SLC24A3: variants seen among roughly 807,000 people sequenced by gnomAD.
SLC24A3 encodes solute carrier family 24 member 3, also known as sodium/potassium/calcium exchanger 3.
SLC24A3 carries 28 observed loss-of-function variants against 75.8 expected under a neutral mutation model. The observed-to-expected ratio is 0.37, with a 90% confidence interval of 0.27 to 0.51. The LOEUF (loss-of-function observed/expected upper bound fraction) is 0.51, where lower values mean the gene tolerates loss of function less well. Ranked by LOEUF, SLC24A3 falls within the 20% of genes least tolerant of loss-of-function variation. The pLI is 0.94. For synonymous variants in SLC24A3, 372 were observed against 334.1 expected, an observed-to-expected ratio of 1.11 and a Z score of -1.24; for missense variants, 663 against 847.8, an observed-to-expected ratio of 0.78 and a Z score of 2.71.
chr20:19,609,486 G>T (rs2031643206), intron 6 of SLC24A3, among the ~76,000 whole-genome samples: 1 of 152,036 alleles, frequency 6.6e-6, no homozygotes, highest in South Asian at 2.1e-4. Flanking sequence ...ATGTACCATG[G>T]TGGTTTGCTG....
At chr20:19,698,458 A>T (rs1156669231) in intron 14 of SLC24A3, 110 bp from the exon 15 acceptor site, 6 of 676,414 alleles carry the variant, frequency 8.9e-6, no homozygotes, top group Non-Finnish European at 1.6e-5. Flanking sequence ...AGAAGCACAT[A>T]TGTGAGCTTG....
chr20:19,479,917 G>T (rs1264987349), intron 2 of SLC24A3, among the ~76,000 whole-genome samples: 1 of 152,166 alleles, frequency 6.6e-6, no homozygotes, highest in Non-Finnish European at 1.5e-5. Flanking sequence ...ATTTTAAAGG[G>T]CCTTGGCCTC....
intron 2 of SLC24A3, among the ~76,000 whole-genome samples, chr20:19,466,415 TG>T (rs1332229827): frequency 6.6e-6 from 1 of 152,224 alleles, no homozygotes; most frequent in East Asian, 1.9e-4. Context: ...CACCTCTTTT[TG>T]CAGCCAGTGT....
intron 15 of SLC24A3, among the ~76,000 whole-genome samples, chr20:19,700,741 A>G (rs1322678479): frequency 6.6e-6 from 1 of 152,202 alleles, no homozygotes; most frequent in Non-Finnish European, 1.5e-5. Context: ...TTTTTCCTCA[A>G]AATCTCATTG....
intron 2 of SLC24A3, among the ~76,000 whole-genome samples, chr20:19,290,818 G>A (rs200149839): frequency 6.6e-6 from 1 of 152,118 alleles, no homozygotes; most frequent in East Asian, 1.9e-4. Flanking sequence ...AAGGGAGACC[G>A]CCAGCCACAT....
chr20:19,324,080 T>C (rs979607412), intron 2 of SLC24A3, among the ~76,000 whole-genome samples: 1 of 152,180 alleles, frequency 6.6e-6, no homozygotes, highest in African/African-American at 2.4e-5. Flanking sequence ...CTGCTGGTGA[T>C]GACTGAACAA....
chr20:19,525,595 C>T (rs1027812245), intron 3 of SLC24A3, among the ~76,000 whole-genome samples: 3 of 152,098 alleles, frequency 2.0e-5, no homozygotes, highest in East Asian at 3.9e-4. Flanking sequence ...TATTGTCTGT[C>T]GAGGGCTGCT....
intron 2 of SLC24A3, among the ~76,000 whole-genome samples, chr20:19,424,052 C>T (rs556535424): frequency 3.9e-5 from 6 of 152,082 alleles, no homozygotes; most frequent in African/African-American, 1.4e-4. Context: ...CATAGCAGAG[C>T]GAAGAGGAAA....
chr20:19,602,416 A>C (rs1254786457), intron 6 of SLC24A3, among the ~76,000 whole-genome samples: 5 of 152,080 alleles, frequency 3.3e-5, no homozygotes, highest in African/African-American at 4.8e-5. Context: ...AAGCCCCCAC[A>C]GTGTCCTTGC....
intron 2 of SLC24A3, among the ~76,000 whole-genome samples, chr20:19,401,685 C>T (rs1986554599): frequency 6.6e-6 from 1 of 152,178 alleles, no homozygotes; most frequent in Admixed American, 6.5e-5. Context: ...ACTTCTTTGT[C>T]CAAGGGCTTT....
intron 2 of SLC24A3, among the ~76,000 whole-genome samples, chr20:19,285,414 G>GT: frequency 6.9e-6 from 1 of 144,064 alleles, no homozygotes; most frequent in Non-Finnish European, 1.5e-5. Flanking sequence ...GGAGATGGAG[G>GT]TTGCAGTGAG....
chr20:19,446,520 G>A (rs1222248126), intron 2 of SLC24A3, among the ~76,000 whole-genome samples: 14 of 152,200 alleles, frequency 9.2e-5, no homozygotes, highest in Admixed American at 9.2e-4. Flanking sequence ...CGGGGAAATT[G>A]TTCTGTAAAG....
intron 2 of SLC24A3, among the ~76,000 whole-genome samples, chr20:19,361,166 A>T (rs1264034050): frequency 6.6e-6 from 1 of 152,208 alleles, no homozygotes. Context: ...TCTTTTGCAG[A>T]TCAGCACTGG....
chr20:19,300,751 C>T (rs918169371), intron 2 of SLC24A3, among the ~76,000 whole-genome samples: 1 of 152,110 alleles, frequency 6.6e-6, no homozygotes, highest in Non-Finnish European at 1.5e-5. Context: ...GGGTGTCTCT[C>T]TCTCATTCCT....
chr20:19,455,612 C>T (rs1345678750), intron 2 of SLC24A3, among the ~76,000 whole-genome samples: 1 of 152,184 alleles, frequency 6.6e-6, no homozygotes, highest in Non-Finnish European at 1.5e-5. Flanking sequence ...AGATAAACCC[C>T]AGCCTCTTCA....
intron 3 of SLC24A3, among the ~76,000 whole-genome samples, chr20:19,540,598 C>T (rs1239308843): frequency 6.6e-6 from 1 of 152,202 alleles, no homozygotes; most frequent in African/African-American, 2.4e-5. Flanking sequence ...GCCAGCGCCA[C>T]GGTGAGGAGT....
chr20:19,631,447 A>AT (rs929176800), intron 6 of SLC24A3, among the ~76,000 whole-genome samples: 118 of 151,800 alleles, frequency 7.8e-4, no homozygotes, highest in African/African-American at 2.4e-3. Flanking sequence ...ATCAACTTTT[A>AT]TTTTTTTTTA....
At chr20:19,657,733 A>G (rs2122713409) in intron 7 of SLC24A3, among the ~76,000 whole-genome samples, 1 of 152,212 alleles carries the variant, frequency 6.6e-6, no homozygotes, top group East Asian at 1.9e-4. Flanking sequence ...ACCTCTCACA[A>G]TGTCTCCATA....
intron 2 of SLC24A3, among the ~76,000 whole-genome samples, chr20:19,342,540 G>A (rs1249214229): frequency 1.3e-5 from 2 of 152,206 alleles, no homozygotes; most frequent in African/African-American, 4.8e-5. Context: ...GTTGAATATT[G>A]AAAGACATGG....
Sources: allele counts gnomAD v4.1 joint callset (sites outside exome capture counted in the v4.1 genomes callset), GRCh38; gene constraint gnomAD v4.1.1; transcripts MANE v1.5; gene names NCBI Gene and HGNC (gene_info 2026-07-23, HGNC 2026-07-21).